ZMYM1: variants seen among roughly 807,000 people sequenced by gnomAD.
ZMYM1 encodes zinc finger MYM-type containing 1.
Under a neutral mutation model 60.0 loss-of-function variants are expected in ZMYM1, and 39 were observed. The ratio of observed to expected loss-of-function variants is 0.65; its 90% CI spans 0.50 to 0.85. The LOEUF (loss-of-function observed/expected upper bound fraction) is 0.85, where lower values mean the gene tolerates loss of function less well. Among genes scored for constraint, ZMYM1 ranks in the 40% least tolerant of loss-of-function variants. ZMYM1 has a pLI of 0.00. For missense variants in ZMYM1, 1,171 were observed against 1,309.5 expected (o/e 0.89, Z 1.63); for synonymous variants, 413 against 454.0 (o/e 0.91, Z 1.15).
chr1:35,090,424 A>G (rs1642934108), intron 1 of ZMYM1, among the ~76,000 whole-genome samples: 1 of 152,172 alleles, frequency 6.6e-6, no homozygotes, highest in Non-Finnish European at 1.5e-5. Flanking sequence ...ATTAGAAGCT[A>G]TACCTAATAT....
chr1:35,077,620 A>G (rs936477026), upstream of ZMYM1, among the ~76,000 whole-genome samples: 7 of 152,088 alleles, frequency 4.6e-5, no homozygotes, highest in African/African-American at 1.7e-4. Flanking sequence ...AGATAGATAA[A>G]CAGGCTCATC....
chr1:35,117,777 C>T (rs1309269785), downstream of ZMYM1, among the ~76,000 whole-genome samples: 2 of 151,952 alleles, frequency 1.3e-5, no homozygotes, highest in African/African-American at 4.8e-5. Flanking sequence ...CCCGTCTCTA[C>T]TAAAACTATA....
At chr1:35,089,738 C>CTTT (rs71029065) in intron 1 of ZMYM1, among the ~76,000 whole-genome samples, 35,855 of 60,872 alleles carry the variant, frequency 0.59, 14,178 homozygotes, top group Non-Finnish European at 0.75. Context: ...AGTTGTAAGG[C>CTTT]TTTTTTTTTT....
In ZMYM1 at chr1:35,114,215, T is replaced by TCAAAA; in HGVS notation, c.2393_2397dup (p.Cys800LysfsTer22). The TCAAAA allele has an allele frequency of 1.2e-6, 2 of 1,613,410 alleles. No individual in the cohort carries two copies. The highest frequency in any genetic ancestry group is 1.7e-6 in the Non-Finnish European group (2 of 1,179,734). ...ATTTTCGAAACATTTATAGGCTAAG[T>TCAAAA]CAAAACAAAACATGCAAGAAACATA... On this transcript the variant is annotated frameshift_variant, in exon 10 of 10. Coordinates refer to ENST00000359858, the MANE Select transcript of ZMYM1 (RefSeq NM_024772.5). LOFTEE classifies it high-confidence loss of function.
intron 1 of ZMYM1, among the ~76,000 whole-genome samples, chr1:35,066,220 G>A (rs1484059939): frequency 1.3e-5 from 2 of 152,132 alleles, no homozygotes; most frequent in Non-Finnish European, 2.9e-5. Context: ...TTTTTGAGAC[G>A]GAGTCTCTCT....
Position 35,114,948 on chromosome 1 carries a change from A to C in ZMYM1, c.3118A>C (p.Ile1040Leu). 1 of 1,614,022 alleles carries C rather than the reference A, an allele frequency of 6.2e-7. No individual in the cohort carries two copies. Among genetic ancestry groups the C allele is most frequent in the Non-Finnish European group, 8.5e-7 (1 of 1,179,864 alleles). ...YRHYAKLNFV[I>L]DDSCINFVSL... is the part of the protein sequence containing the mutation. ...ACATTATGCAAAGCTTAACTTTGTC[A>C]TAGATGATAGTTGCATAAACTTCGT... The change falls in exon 10 of 10, where the codon ATA becomes CTA. Residue 1040 changes from isoleucine to leucine, a missense_variant. Physicochemically the swap from Ile to Leu is conservative, Grantham distance 5. Coordinates refer to ENST00000359858, the MANE Select transcript of ZMYM1 (RefSeq NM_024772.5).
intron 6 of ZMYM1, among the ~76,000 whole-genome samples, chr1:35,107,903 G>A (rs1372180256): frequency 6.6e-6 from 1 of 152,134 alleles, no homozygotes; most frequent in Non-Finnish European, 1.5e-5. Flanking sequence ...GAGGTCAGGA[G>A]TTCAAGACCA....
intron 1 of ZMYM1, among the ~76,000 whole-genome samples, chr1:35,065,197 C>T (rs1641953310): frequency 6.6e-6 from 1 of 152,012 alleles, no homozygotes; most frequent in African/African-American, 2.4e-5. Context: ...GATAGCTAGA[C>T]CATTGTCTTC....
At chr1:35,092,921 A>T (rs532798303) in intron 1 of ZMYM1, among the ~76,000 whole-genome samples, 6 of 152,048 alleles carry the variant, frequency 3.9e-5, no homozygotes, top group African/African-American at 1.4e-4. Context: ...CACTGTGCCC[A>T]GCCAACTTCG....
rs116516486 is a variant in ZMYM1, at chr1:35,067,748, G to A, written c.-301+7823G>A. Among the ~76,000 whole-genome samples, 487 of 151,784 alleles carry A rather than the reference G, an allele frequency of 3.2e-3. 2 individuals are homozygous for A. Among genetic ancestry groups the A allele is most frequent in the African/African-American group, 0.011 (464 of 41,432 alleles). ...AAATTAGCCAGGCATGGTGGTGCGC[G>A]CCTGTGGTCCCGGCTGCTTGGGAGG... On this transcript the variant is annotated intron_variant, in intron 1 of 10. Transcript: ENST00000417119.
intron 7 of ZMYM1, among the ~76,000 whole-genome samples, chr1:35,111,445 A>G (rs1392454657): frequency 6.6e-6 from 1 of 152,224 alleles, no homozygotes; most frequent in African/African-American, 2.4e-5. Flanking sequence ...TAGGAGATTC[A>G]ATCAGAATCT....
rs750235060 is a variant in ZMYM1, at chr1:35,094,038, G to C, written c.51G>C (p.Gln17His). 3.7e-6 allele frequency: 6 copies of C among 1,611,068 alleles called. No homozygotes were observed. In the Admixed American group the frequency reaches 1.0e-4, roughly 27 times the overall value. Residue 17 changes from glutamine to histidine, a missense_variant, in exon 2 of 10, where the codon CAG becomes CAC. Gln to His is a conservative substitution (Grantham distance 24, BLOSUM62 0). Coordinates refer to ENST00000359858, the MANE Select transcript of ZMYM1 (RefSeq NM_024772.5). ...AGTGTGACAAGGCAGTGGCATCACA[G>C]CTGGGGCTGCTAGATGAAATTAAGA... is the stretch of plus-strand genomic sequence containing the variant. The part of the protein sequence containing the change: ...GGECDKAVAS[Q>H]LGLLDEIKTE...
At chr1:35,103,618 T>C (rs1463508847) in intron 4 of ZMYM1, among the ~76,000 whole-genome samples, 3 of 152,234 alleles carry the variant, frequency 2.0e-5, no homozygotes, top group Non-Finnish European at 4.4e-5. Context: ...GTTATGAATA[T>C]GCACGTACAT....
chr1:35,096,171 G>A (rs1390425566), intron 3 of ZMYM1, among the ~76,000 whole-genome samples: 1 of 152,090 alleles, frequency 6.6e-6, no homozygotes, highest in Non-Finnish European at 1.5e-5. Context: ...AATTAGCCAG[G>A]CGTGGTGGCG....
intron 7 of ZMYM1, among the ~76,000 whole-genome samples, chr1:35,111,464 C>T (rs904587713): frequency 3.9e-5 from 6 of 152,156 alleles, no homozygotes; most frequent in African/African-American, 7.2e-5. Context: ...CTCTTTTCTT[C>T]ATGAGTAATT....
rs547020717 is a variant in ZMYM1 at position 35,097,713 on chromosome 1, C to T, written c.419+147C>T. 74 of 900,240 alleles carry T rather than the reference C, an allele frequency of 8.2e-5. 1 individual carries two copies. Among genetic ancestry groups the T allele is most frequent in the East Asian group, 4.0e-4 (15 of 37,844 alleles). 55.8% of individuals were successfully genotyped at this position (900,240 alleles called of 1,614,324 possible). A position where few individuals can be genotyped will look rare whatever the true frequency, so the allele number is the denominator to read the frequency against. On this transcript the variant is annotated intron_variant, in intron 4 of 9. Transcript: ENST00000359858. ...AGGCTGGAGTGCAGTGGCACGATCT[C>T]GGCTCACTGCAACTTCCACCTCCTG...
intron 1 of ZMYM1, among the ~76,000 whole-genome samples, chr1:35,092,394 G>A (rs112209068): frequency 0.055 from 3,512 of 64,222 alleles, 163 homozygotes; most frequent in African/African-American, 0.14. Flanking sequence ...CACCACACTC[G>A]GTTGATTTTT....
intron 1 of ZMYM1, among the ~76,000 whole-genome samples, chr1:35,083,269 G>T (rs1266313792): frequency 6.6e-6 from 1 of 151,536 alleles, no homozygotes; most frequent in East Asian, 1.9e-4. Context: ...TACCACCTCG[G>T]CCTCCCGAGT....
upstream of ZMYM1, among the ~76,000 whole-genome samples, chr1:35,074,557 C>T (rs546462263): frequency 8.5e-4 from 129 of 151,764 alleles, no homozygotes; most frequent in Non-Finnish European, 1.6e-3. Flanking sequence ...TACAGGCACA[C>T]GCCACCATGT....
Sources: gnomAD v4.1 joint callset for allele counts (sites outside exome capture counted in the v4.1 genomes callset) on GRCh38, gnomAD v4.1.1 for gene constraint, MANE v1.5 for transcripts, NCBI Gene and HGNC (gene_info 2026-07-23, HGNC 2026-07-21) for gene names.